KCNH1: variants seen among roughly 807,000 people sequenced by gnomAD.
KCNH1 encodes potassium voltage-gated channel subfamily H member 1, also known as voltage-gated delayed rectifier potassium channel KCNH1.
Under a neutral mutation model 69.2 loss-of-function variants are expected in KCNH1, and 27 were observed. The ratio of observed to expected loss-of-function variants is 0.39; its 90% CI spans 0.29 to 0.54. KCNH1 has a LOEUF of 0.54. Among genes scored for constraint, KCNH1 ranks in the 20% least tolerant of loss-of-function variants. The pLI is 0.68. For synonymous variants in KCNH1, 456 were observed against 487.7 expected, an observed-to-expected ratio of 0.93 and a Z score of 0.86; for missense variants, 798 against 1,261.6, an observed-to-expected ratio of 0.63 and a Z score of 5.57.
At chr1:211,067,348 A>G (rs991908525) in intron 5 of KCNH1, among the ~76,000 whole-genome samples, 2 of 152,250 alleles carry the variant, frequency 1.3e-5, no homozygotes, top group African/African-American at 4.8e-5. Flanking sequence ...CCTAAGGGAC[A>G]GAAAGCTGAG....
chr1:210,927,789 A>G (rs1423760349), intron 6 of KCNH1, among the ~76,000 whole-genome samples: 1 of 152,198 alleles, frequency 6.6e-6, no homozygotes, highest in African/African-American at 2.4e-5. Flanking sequence ...GAATTCACCA[A>G]CCAAGTTTCT....
intron 1 of KCNH1, among the ~76,000 whole-genome samples, chr1:211,127,632 A>C (rs1691804909): frequency 6.6e-6 from 1 of 152,182 alleles, no homozygotes; most frequent in Non-Finnish European, 1.5e-5. Flanking sequence ...TCCTATTAAC[A>C]TAACTCTCAA....
rs567307823 is a variant in KCNH1, at chr1:210,678,727, C to T, written c.*4554G>A. 2.6e-5 allele frequency: 4 copies of T among 152,222 alleles called. No homozygotes were observed. The highest frequency in any genetic ancestry group is 1.9e-4 in the East Asian group (1 of 5,188). 9.4% of individuals were successfully genotyped at this position (152,222 alleles called of 1,614,324 possible). A position where few individuals can be genotyped will look rare whatever the true frequency, so the allele number is the denominator to read the frequency against. On this transcript the variant is annotated 3_prime_UTR_variant, in exon 11 of 11. Transcript: ENST00000271751. ...TCCAACTGATGCACAAATACAGCAT[C>T]GGAATATTAAGAGAATACATTCATT...
intron 7 of KCNH1, among the ~76,000 whole-genome samples, chr1:210,810,085 T>G (rs1684671127): frequency 6.6e-6 from 1 of 152,176 alleles, no homozygotes; most frequent in East Asian, 1.9e-4. Context: ...CTCTTTTTTA[T>G]GAGACATCTT....
chr1:210,708,954 T>C (rs1045541919), intron 10 of KCNH1, among the ~76,000 whole-genome samples: 4 of 152,198 alleles, frequency 2.6e-5, no homozygotes, highest in African/African-American at 9.6e-5. Context: ...ATGACAGCTG[T>C]CCTTATAAAA....
intron 7 of KCNH1, among the ~76,000 whole-genome samples, chr1:210,882,978 A>T (rs1686528746): frequency 6.6e-6 from 1 of 152,224 alleles, no homozygotes; most frequent in Non-Finnish European, 1.5e-5. Context: ...AGCCACAGGA[A>T]TGCATTACGG....
intron 7 of KCNH1, among the ~76,000 whole-genome samples, chr1:210,868,279 A>G (rs1686158437): frequency 6.6e-6 from 1 of 151,958 alleles, no homozygotes; most frequent in Non-Finnish European, 1.5e-5. Context: ...TCTTTTGCCT[A>G]TTTAAAAAAT....
At chr1:211,019,672 T>C (rs998874527) in intron 5 of KCNH1, among the ~76,000 whole-genome samples, 1 of 152,210 alleles carries the variant, frequency 6.6e-6, no homozygotes, top group Non-Finnish European at 1.5e-5. Flanking sequence ...TATTAATTGC[T>C]CTGATTTCAT....
intron 9 of KCNH1, among the ~76,000 whole-genome samples, chr1:210,785,957 T>C (rs1438945357): frequency 6.6e-6 from 1 of 152,182 alleles, no homozygotes; most frequent in East Asian, 1.9e-4. Flanking sequence ...GATGCAAATA[T>C]AAAGCACATT....
chr1:210,752,922 G>A (rs1683311507), intron 10 of KCNH1, among the ~76,000 whole-genome samples: 1 of 152,156 alleles, frequency 6.6e-6, no homozygotes. Context: ...AGAGAAAGGT[G>A]TGGGAGATTT....
intron 6 of KCNH1, among the ~76,000 whole-genome samples, chr1:210,945,078 AT>A (rs775215682): frequency 2.0e-5 from 3 of 152,196 alleles, no homozygotes; most frequent in Non-Finnish European, 4.4e-5. Flanking sequence ...AGGTTATAGC[AT>A]GTGTCAGAAT....
chr1:210,702,173 A>G (rs1158859715), intron 10 of KCNH1, among the ~76,000 whole-genome samples: 2 of 152,192 alleles, frequency 1.3e-5, no homozygotes, highest in Non-Finnish European at 2.9e-5. Context: ...ATTTTTTCTT[A>G]ACCTCTTAAA....
intron 6 of KCNH1, among the ~76,000 whole-genome samples, chr1:210,973,115 T>C (rs1688542307): frequency 6.6e-6 from 1 of 152,072 alleles, no homozygotes; most frequent in Non-Finnish European, 1.5e-5. Flanking sequence ...GCTACCCTTT[T>C]AGCCCAACTT....
intron 9 of KCNH1, among the ~76,000 whole-genome samples, chr1:210,781,652 C>G (rs972957805): frequency 6.6e-6 from 1 of 152,192 alleles, no homozygotes; most frequent in Non-Finnish European, 1.5e-5. Flanking sequence ...GGGACAATGA[C>G]AAGGGCTCAG....
At chr1:211,010,637 G>A (rs1689375610) in intron 6 of KCNH1, among the ~76,000 whole-genome samples, 1 of 152,080 alleles carries the variant, frequency 6.6e-6, no homozygotes, top group Non-Finnish European at 1.5e-5. Context: ...AAGCCTCCCT[G>A]GATTCTCCCA....
chr1:210,689,205 C>CTGAG (rs1681475470), intron 10 of KCNH1, among the ~76,000 whole-genome samples: 1 of 152,210 alleles, frequency 6.6e-6, no homozygotes, highest in Non-Finnish European at 1.5e-5. Flanking sequence ...ACAGGGATTT[C>CTGAG]TGAGTAATTA....
intron 6 of KCNH1, among the ~76,000 whole-genome samples, chr1:210,995,542 A>G (rs908323327): frequency 2.6e-5 from 4 of 152,342 alleles, no homozygotes; most frequent in Non-Finnish European, 5.9e-5. Context: ...CAAATGCCTT[A>G]GGCCCAGAAA....
intron 5 of KCNH1, among the ~76,000 whole-genome samples, chr1:211,050,051 C>T (rs997345470): frequency 6.6e-6 from 1 of 151,998 alleles, no homozygotes; most frequent in Admixed American, 6.6e-5. Flanking sequence ...ATAAATACCA[C>T]CATCACCATC....
At chr1:210,697,878 A>G (rs1478419367) in intron 10 of KCNH1, among the ~76,000 whole-genome samples, 1 of 152,222 alleles carries the variant, frequency 6.6e-6, no homozygotes, top group Non-Finnish European at 1.5e-5. Flanking sequence ...CATCTGGGAA[A>G]GTGGCATTTT....
Sources: gnomAD v4.1 joint callset for allele counts (sites outside exome capture counted in the v4.1 genomes callset) on GRCh38, gnomAD v4.1.1 for gene constraint, MANE v1.5 for transcripts, NCBI Gene and HGNC (gene_info 2026-07-23, HGNC 2026-07-21) for gene names.